SPIRE2: variants seen among roughly 807,000 people sequenced by gnomAD.
SPIRE2 encodes the protein spire type actin nucleation factor 2, also known as protein spire homolog 2.
SPIRE2 carries 76 observed loss-of-function variants against 80.7 expected under a neutral mutation model. The observed-to-expected ratio is 0.94, with a 90% CI of 0.78 to 1.14. The LOEUF is 1.14. Ranked by LOEUF, SPIRE2 falls within the 50% of genes most tolerant of loss-of-function variation. The pLI is 0.00. For synonymous variants in SPIRE2, 535 were observed against 432.6 expected (o/e 1.24, Z -2.94); for missense variants, 1,196 against 1,015.3 (o/e 1.18, Z -2.42).
In SPIRE2 at chr16:89,828,662, G is replaced by T; in HGVS notation, c.112G>T (p.Glu38Ter). 1 of 1,375,494 alleles carries T rather than the reference G, an allele frequency of 7.3e-7. No individual in the cohort carries two copies. The highest frequency in any genetic ancestry group is 9.5e-7 in the Non-Finnish European group (1 of 1,054,424). 85.2% of individuals were successfully genotyped at this position (1,375,494 alleles called of 1,614,324 possible). The change falls in exon 1 of 15, where the codon GAG (glutamate) becomes TAG (stop). Residue 38 changes from glutamate to a stop codon, truncating the protein, a stop_gained. Coordinates refer to ENST00000378247, the MANE Select transcript of SPIRE2 (RefSeq NM_032451.2). LOFTEE classifies it high-confidence loss of function. This position sits in a 1 kb window ranked among gnomAD's most constrained non-coding sequence, Gnocchi z 5.9. ...GGCCTACGAGCAGCCGCTCAACGAG[G>T]AGCAGGCGTGGGCCGTGTGCTTCCA... ...LKAYEQPLNE[E>*]QAWAVCFQGC...
chr16:89,846,053 CGCCCG>C (rs1430875867), intron 2 of SPIRE2: 3 of 167,568 alleles, frequency 1.8e-5, no homozygotes, highest in Admixed American at 1.8e-4. Flanking sequence ...CCCGCCACCA[CGCCCG>C]GCTAATTTTT....
At chr16:89,864,426 C>T (rs905601798) in intron 12 of SPIRE2, among the ~76,000 whole-genome samples, 3 of 152,204 alleles carry the variant, frequency 2.0e-5, no homozygotes, top group Admixed American at 6.5e-5. Flanking sequence ...ACTATAGCCA[C>T]GGGCCAAATC....
intron 9 of SPIRE2, among the ~76,000 whole-genome samples, chr16:89,859,580 T>G (rs939825339): frequency 6.6e-6 from 1 of 152,208 alleles, no homozygotes; most frequent in Non-Finnish European, 1.5e-5. Flanking sequence ...TTTTAATATT[T>G]AAAAAGAATT....
intron 2 of SPIRE2, chr16:89,845,977 A>C: frequency 4.3e-6 from 1 of 234,840 alleles, no homozygotes; most frequent in South Asian, 9.3e-5. Flanking sequence ...GCTTACTGCA[A>C]GCTCCGCCTC....
chr16:89,836,799 G>A (rs777855129), intron 1 of SPIRE2, among the ~76,000 whole-genome samples: 18 of 149,912 alleles, frequency 1.2e-4, no homozygotes, highest in Non-Finnish European at 2.2e-4. Flanking sequence ...GACCAACATG[G>A]AGAAACCCCG....
chr16:89,833,146 C>T (rs995514063), intron 1 of SPIRE2, among the ~76,000 whole-genome samples: 15 of 151,954 alleles, frequency 9.9e-5, no homozygotes, highest in South Asian at 4.2e-4. Context: ...CATGTGCCAC[C>T]GCACATGCCT....
intron 1 of SPIRE2, among the ~76,000 whole-genome samples, chr16:89,844,696 C>T (rs556051606): frequency 1.3e-5 from 2 of 152,298 alleles, no homozygotes; most frequent in East Asian, 3.9e-4. Flanking sequence ...CCTCAGCCTC[C>T]CAAAGTGCCG....
chr16:89,855,586 C>A lies in SPIRE2; in HGVS notation c.892-14C>A. 6.2e-7 allele frequency: 1 copy of A among 1,610,840 alleles called. No homozygotes were observed. The highest frequency in any genetic ancestry group is 1.1e-5 in the South Asian group (1 of 90,828). On this transcript the variant is annotated splice_polypyrimidine_tract_variant and intron_variant, in intron 5 of 14. Coordinates refer to ENST00000378247, the MANE Select transcript of SPIRE2 (RefSeq NM_032451.2). The stretch of plus-strand genomic sequence containing the variant: ...GGTCCCTGCAGGGCCTCAGATCAGC[C>A]GTCCTCCCCGCAGGTGGATGGGGAC...
intron 8 of SPIRE2, among the ~76,000 whole-genome samples, 157 bp from the exon 9 acceptor site, chr16:89,859,008 G>T (rs917627117): frequency 6.6e-6 from 1 of 152,140 alleles, no homozygotes; most frequent in Admixed American, 6.5e-5. Context: ...TGCTTGCCAC[G>T]AACTGTCCAG....
At position 89,870,309 on chromosome 16, in the gene SPIRE2, C is replaced by T; in HGVS notation, c.*37C>T. ...GGCCAGGCCTCCAGGAGGCACCAGG[C>T]AGGCCCTGTATCAGGCTAGGACGCT... On this transcript the variant is annotated 3_prime_UTR_variant, in exon 15 of 15. Transcript: ENST00000378247. 7.0e-7 allele frequency: 1 copy of T among 1,426,644 alleles called. No individual in the cohort carries two copies. The highest frequency in any genetic ancestry group is 1.2e-5 in the South Asian group (1 of 82,572). The allele number at this position is 1,426,644 out of a possible 1,614,324, so 88.4% of individuals were successfully genotyped here.
rs1403835247 is a variant in SPIRE2 at position 89,854,510 on chromosome 16, G to A, written c.750G>A (p.Met250Ile). 1 of 1,612,652 alleles carries A rather than the reference G, an allele frequency of 6.2e-7. No homozygotes were observed. The highest frequency in any genetic ancestry group is 1.7e-5 in the Admixed American group (1 of 60,020). Reference sequence around the variant, plus strand: ...AGGCCCGACTGTGGGTTCAGCTCATGCGGGAGCTCCGCCGCGGAGTGAAGC... The same window carrying A: ...AGGCCCGACTGTGGGTTCAGCTCATACGGGAGCTCCGCCGCGGAGTGAAGC... Reference protein sequence around the residue: ...TDWARLWVQLMRELRRGVKLK... With the variant: ...TDWARLWVQLIRELRRGVKLK... The change falls in exon 5 of 15, where the codon ATG (methionine) becomes ATA (isoleucine). Residue 250 changes from methionine (M) to isoleucine (I), a missense_variant. Physicochemically the swap from Met to Ile is conservative, Grantham distance 10 (BLOSUM62 1). Transcript: ENST00000378247.
chr16:89,847,777 T>C (rs2041577393), intron 2 of SPIRE2, among the ~76,000 whole-genome samples: 1 of 152,154 alleles, frequency 6.6e-6, no homozygotes, highest in Non-Finnish European at 1.5e-5. Flanking sequence ...GAATTTTCCT[T>C]ATGGGAAAGC....
At chr16:89,868,101 G>A (rs185479202) in intron 12 of SPIRE2, 88 bp from the exon 13 acceptor site, 100 of 1,425,728 alleles carry the variant, frequency 7.0e-5, no homozygotes, top group East Asian at 3.4e-4. Flanking sequence ...GTTTGACCTC[G>A]GATGCGTGGA....
intron 5 of SPIRE2, among the ~76,000 whole-genome samples, chr16:89,855,233 G>A (rs1376328062): frequency 6.6e-6 from 1 of 152,176 alleles, no homozygotes; most frequent in Non-Finnish European, 1.5e-5. Flanking sequence ...CCACCTGCCT[G>A]GCCTGGCTGT....
At chr16:89,840,490 C>T (rs962894589) in intron 1 of SPIRE2, among the ~76,000 whole-genome samples, 73 of 151,096 alleles carry the variant, frequency 4.8e-4, no homozygotes, top group African/African-American at 1.6e-3. Flanking sequence ...ACCTTGGGAT[C>T]CGCCCGCCTC....
intron 1 of SPIRE2, among the ~76,000 whole-genome samples, chr16:89,840,684 G>A (rs1444117462): frequency 6.9e-6 from 1 of 145,158 alleles, no homozygotes; most frequent in Non-Finnish European, 1.5e-5. Flanking sequence ...CGCCCAGGCT[G>A]GAGTGCAATG....
intron 2 of SPIRE2, chr16:89,845,708 G>C: frequency 1.5e-6 from 1 of 649,056 alleles, no homozygotes; most frequent in South Asian, 1.7e-5. Flanking sequence ...GACTTCAGGT[G>C]CAAACAGGAA....
chr16:89,856,356 A>C, intron 7 of SPIRE2, 120 bp downstream of exon 7: 1 of 1,083,816 alleles, frequency 9.2e-7, no homozygotes, highest in Non-Finnish European at 1.2e-6. Context: ...AACCCATGGA[A>C]GACACAGAAC....
In SPIRE2 at chr16:89,856,184, C is replaced by A; in HGVS notation, c.1050C>A (p.Ile350=). The A allele has an allele frequency of 2.5e-6, 4 of 1,606,504 alleles. No individual in the cohort carries two copies. The East Asian group carries it at 9.0e-5, about 36-fold the overall frequency. Residue 350 remains isoleucine, a synonymous_variant, in exon 7 of 15, where the codon ATC becomes ATA. Coordinates refer to ENST00000378247, the MANE Select transcript of SPIRE2 (RefSeq NM_032451.2). ...RSLHEKILEE[I]KQERRLRPVR... ...TGCATGAGAAGATCCTGGAGGAGATCAAGCAGGAGCGGAGGCTGCGCCCGG... is the reference window on the plus strand; with the variant it reads ...TGCATGAGAAGATCCTGGAGGAGATAAAGCAGGAGCGGAGGCTGCGCCCGG...
Sources: gnomAD v4.1 joint callset for allele counts (sites outside exome capture counted in the v4.1 genomes callset) on GRCh38, gnomAD v4.1.1 for gene constraint, Gnocchi (gnomAD v3.1) non-coding constraint, MANE v1.5 for transcripts, NCBI Gene and HGNC (gene_info 2026-07-23, HGNC 2026-07-21) for gene names.